Variants in PARP10 observed in about 807,000 individuals in gnomAD.
PARP10 encodes protein mono-ADP-ribosyltransferase PARP10.
PARP10 carries 56 observed loss-of-function variants against 82.4 expected under a neutral mutation model. The ratio of observed to expected loss-of-function variants is 0.68; its 90% confidence interval spans 0.55 to 0.85. PARP10 has a LOEUF of 0.85. Among genes scored for constraint, PARP10 ranks in the 40% least tolerant of loss-of-function variants. The pLI, the probability that PARP10 is intolerant of heterozygous loss-of-function variation, is 0.00. For synonymous variants in PARP10, 576 were observed against 601.1 expected (o/e 0.96, Z 0.61); for missense variants, 1,227 against 1,379.4 (o/e 0.89, Z 1.75).
intron 1 of PARP10, among the ~76,000 whole-genome samples, chr8:144,007,785 C>A (rs1342369013): frequency 6.6e-6 from 1 of 152,178 alleles, no homozygotes; most frequent in Non-Finnish European, 1.5e-5. Flanking sequence ...CAAGCCCTGA[C>A]CTTGACAGCT....
At chr8:143,990,180 C>G (rs1252687834), upstream of PARP10, 5 of 150,168 alleles carry the variant, frequency 3.3e-5, no homozygotes, top group Admixed American at 6.6e-5. This position sits in a 1 kb window ranked among gnomAD's most constrained non-coding sequence, Gnocchi z 5.6. Context: ...TGCGTACCGG[C>G]CTGCGGCGCC....
In PARP10 at chr8:144,008,612, C is replaced by T. The variant is rs1834250694; in HGVS notation, c.-80+3918G>A. On this transcript the variant is annotated intron_variant, in intron 1 of 3. Transcript: ENST00000530478. The surrounding 1 kb of genome is among the most constrained non-coding windows in gnomAD (Gnocchi z 4.0). ...TTCCTGTCACTCCTGCGGGCCCAGCCTCCCTGCAGCCAGGAACTGGGACTG... is the reference window on the plus strand; with the variant it reads ...TTCCTGTCACTCCTGCGGGCCCAGCTTCCCTGCAGCCAGGAACTGGGACTG... Among the ~76,000 whole-genome samples, 1 of 152,198 alleles carries T rather than the reference C, an allele frequency of 6.6e-6. No homozygotes were observed. The highest frequency in any genetic ancestry group is 2.4e-5 in the African/African-American group (1 of 41,444).
At chr8:143,987,779 T>A (rs1240298726), upstream of PARP10, among the ~76,000 whole-genome samples, 1 of 152,142 alleles carries the variant, frequency 6.6e-6, no homozygotes, top group Non-Finnish European at 1.5e-5. Flanking sequence ...TAATCTCAGC[T>A]ACTCAGGAGG....
chr8:143,992,537 C>A, upstream of PARP10: 1 of 1,614,162 alleles, frequency 6.2e-7, no homozygotes, highest in Non-Finnish European at 8.5e-7. Flanking sequence ...CTTCGCCATT[C>A]TCTGCATCTT....
rs782082117 is a variant in PARP10, at chr8:143,986,365, G to A, written c.-6C>T. ...CCCACATACAGCACTTACATTCCCC[G>A]TGGCCGCTAGGCAGCCTCAGGCCAT... is the stretch of plus-strand genomic sequence containing the variant. On this transcript the variant is annotated 5_prime_UTR_variant, in exon 1 of 11. It adds an upstream start codon to the 5' untranslated region. Transcript: ENST00000313028. 24 of 1,613,978 alleles carry A rather than the reference G, an allele frequency of 1.5e-5. No individual in the cohort carries two copies. The highest frequency in any genetic ancestry group is 3.3e-5 in the South Asian group (3 of 91,092).
chr8:144,002,748 A>T (rs547178925), intron 1 of PARP10, among the ~76,000 whole-genome samples: 212 of 152,332 alleles, frequency 1.4e-3, no homozygotes, highest in African/African-American at 4.5e-3. Context: ...CGAAAGCACT[A>T]ATTACAAAAA....
At chr8:144,012,525 C>T (rs1417059050) in intron 1 of PARP10, 2 of 1,551,770 alleles carry the variant, frequency 1.3e-6, no homozygotes, top group East Asian at 2.4e-5. Flanking sequence ...CATGTCTCTA[C>T]TCACCAATTA....
chr8:144,009,056 C>T (rs1488543546), intron 1 of PARP10, among the ~76,000 whole-genome samples: 1 of 152,082 alleles, frequency 6.6e-6, no homozygotes, highest in Admixed American at 6.5e-5. Context: ...CGTGGTGGGC[C>T]ACAGTCTTCC....
intron 1 of PARP10, among the ~76,000 whole-genome samples, chr8:143,997,707 A>G (rs926759133): frequency 5.3e-5 from 8 of 150,860 alleles, no homozygotes; most frequent in African/African-American, 2.0e-4. Context: ...TGAGATCCCA[A>G]CTCCCACTCT....
upstream of PARP10, chr8:143,989,914 G>C (rs1027871895): frequency 9.9e-5 from 15 of 152,274 alleles, no homozygotes; most frequent in African/African-American, 3.6e-4. The surrounding 1 kb of genome is among the most constrained non-coding windows in gnomAD (Gnocchi z 4.3). Flanking sequence ...CCCACCCCTC[G>C]GCAGACAGTG....
intron 1 of PARP10, among the ~76,000 whole-genome samples, chr8:144,002,578 CA>C (rs1834209691): frequency 6.7e-6 from 1 of 149,994 alleles, no homozygotes; most frequent in Non-Finnish European, 1.5e-5. Flanking sequence ...AAGAATAGAC[CA>C]AAAGAAAAAA....
At position 143,986,079 on chromosome 8, in the gene PARP10, C is replaced by T. The variant is rs782116732; in HGVS notation, c.157G>A (p.Val53Ile). 1.2e-5 allele frequency: 20 copies of T among 1,613,910 alleles called. No individual in the cohort carries two copies. The Admixed American group carries it at 1.3e-4, about 11-fold the overall frequency. Residue 53 changes from valine to isoleucine, a missense_variant, in exon 2 of 11, where the codon GTC becomes ATC. By Grantham distance (29) the Val-to-Ile change is conservative. Transcript: ENST00000313028. ...LSWQRLGCGG[V>I]LTFREPADAE... ...CCTGCAGGCTCTCTGAAGGTGAGGACGCCCCCACAGCCCAGTCTCTGCCAG... is the reference window on the plus strand; with the variant it reads ...CCTGCAGGCTCTCTGAAGGTGAGGATGCCCCCACAGCCCAGTCTCTGCCAG...
Position 143,985,524 on chromosome 8 carries a change from C to T in PARP10, c.561G>A (p.Leu187=). 1 of 1,614,032 alleles carries T rather than the reference C, an allele frequency of 6.2e-7. No individual in the cohort carries two copies. Residue 187 remains leucine, a synonymous_variant, in exon 4 of 11, where the codon CTG becomes CTA. Coordinates refer to ENST00000313028, the MANE Select transcript of PARP10 (RefSeq NM_032789.5). The part of the protein sequence containing the change: ...VVGDGASVDL[L]LLELYLENER... ...CATTCTCCAGGTACAACTCCAGCAA[C>T]AGCAGGTCCACAGAGGCACCATCCC... is the stretch of plus-strand genomic sequence containing the variant.
chr8:143,996,982 C>T (rs781958605), intron 1 of PARP10, among the ~76,000 whole-genome samples: 8 of 150,678 alleles, frequency 5.3e-5, no homozygotes, highest in African/African-American at 9.8e-5. Flanking sequence ...TTGGGGGCAG[C>T]GGGAAGGGGG....
chr8:143,993,424 G>A (rs772193728), upstream of PARP10: 1 of 156,680 alleles, frequency 6.4e-6, no homozygotes, highest in Non-Finnish European at 1.4e-5. Context: ...GCCTTCCCCT[G>A]GTCACTCTTC....
At chr8:143,999,416 T>C (rs565859017) in intron 1 of PARP10, among the ~76,000 whole-genome samples, 1 of 152,160 alleles carries the variant, frequency 6.6e-6, no homozygotes, top group African/African-American at 2.4e-5. Flanking sequence ...GTTGCCCAGG[T>C]TGGTGTTGAA....
At position 143,986,125 on chromosome 8, in the gene PARP10, A is replaced by G. The variant is rs1221085099; in HGVS notation, c.111T>C (p.Ser37=). 7 of 1,613,952 alleles carry G rather than the reference A, an allele frequency of 4.3e-6. No individual in the cohort carries two copies. Among genetic ancestry groups the G allele is most frequent in the Non-Finnish European group, 5.9e-6 (7 of 1,180,000 alleles). The stretch of plus-strand genomic sequence containing the variant: ...GCCAGCTCAACACAGGTCCCCCTCC[A>G]GAGCGTCGGCGGTTTTCAAAGTAGA... The part of the protein sequence containing the change: ...LTLYFENRRR[S]GGGPVLSWQR... The change falls in exon 2 of 11, where the codon TCT becomes TCC. Residue 37 remains serine (S), a synonymous_variant. Coordinates refer to ENST00000313028, the MANE Select transcript of PARP10 (RefSeq NM_032789.5).
At position 143,977,940 on chromosome 8, in the gene PARP10, G is replaced by C; in HGVS notation, c.2698C>G (p.His900Asp). The C allele has an allele frequency of 6.2e-7, 1 of 1,601,044 alleles. No individual in the cohort carries two copies. Among genetic ancestry groups the C allele is most frequent in the Non-Finnish European group, 8.5e-7 (1 of 1,179,458 alleles). The change falls in exon 10 of 11, where the codon CAC becomes GAC. Residue 900 changes from histidine (H) to aspartate (D), a missense_variant. By Grantham distance (81) the His-to-Asp change is moderately conservative. Coordinates refer to ENST00000313028, the MANE Select transcript of PARP10 (RefSeq NM_032789.5). ...CCGCAGAAGCTGCGGTTGAAGCCGT[G>C]GGCGCAGATGTCAGGCACTGCCGGT... ...TAPAVPDICA[H>D]GFNRSFCGRN...
intron 1 of PARP10, among the ~76,000 whole-genome samples, chr8:144,003,232 G>C (rs1389253688): frequency 6.6e-6 from 1 of 152,036 alleles, no homozygotes; most frequent in African/African-American, 2.4e-5. Flanking sequence ...AGATCAGCCT[G>C]GCCAATAAGG....
Sources: gnomAD v4.1 joint callset for allele counts (sites outside exome capture counted in the v4.1 genomes callset) on GRCh38, gnomAD v4.1.1 for gene constraint, Gnocchi (gnomAD v3.1) non-coding constraint, MANE v1.5 for transcripts, NCBI Gene and HGNC (gene_info 2026-07-23, HGNC 2026-07-21) for gene names.